Variants in ARID1B observed in about 807,000 individuals in gnomAD.
The protein encoded by ARID1B is AT-rich interaction domain 1B, also known as AT-rich interactive domain-containing protein 1B.
In ARID1B, 30 loss-of-function variants were observed where a neutral mutation model predicts 212.3. That is an observed-to-expected ratio of 0.14 (90% CI 0.11 to 0.19). The LOEUF (loss-of-function observed/expected upper bound fraction) is 0.19, where lower values mean the gene tolerates loss of function less well. ARID1B is among the 10% of genes least tolerant of loss of function. The probability of loss-of-function intolerance (pLI) is 1.00; values close to 1 mark genes in which losing one functional copy is unlikely to be tolerated. For synonymous variants in ARID1B, 1,402 were observed against 1,301.7 expected, an observed-to-expected ratio of 1.08 and a Z score of -1.66; for missense variants, 2,891 against 3,204.0, an observed-to-expected ratio of 0.90 and a Z score of 2.36.
intron 6 of ARID1B, among the ~76,000 whole-genome samples, chr6:157,128,589 C>T (rs377294940): frequency 6.6e-6 from 1 of 152,206 alleles, no homozygotes; most frequent in East Asian, 1.9e-4. Flanking sequence ...GCCATTATTA[C>T]ACCAACTGAA....
At chr6:156,910,722 T>C (rs767180120) in intron 3 of ARID1B, among the ~76,000 whole-genome samples, 1 of 152,212 alleles carries the variant, frequency 6.6e-6, no homozygotes, top group South Asian at 2.1e-4. Flanking sequence ...CTGGAACTGG[T>C]AGTTTCATGT....
intron 4 of ARID1B, among the ~76,000 whole-genome samples, chr6:156,992,611 A>ATTTATACGTGCCAAATG (rs1264616882): frequency 6.6e-6 from 1 of 152,134 alleles, no homozygotes; most frequent in African/African-American, 2.4e-5. Flanking sequence ...TTGGAGCGGG[A>ATTTATACGTGCCAAATG]GGTATTCAGA....
At position 156,922,173 on chromosome 6, in the gene ARID1B, C is replaced by CTTT. The variant is rs11386798; in HGVS notation, c.2137-13279_2137-13277dup. On this transcript the variant is annotated intron_variant, in intron 3 of 19. Coordinates refer to ENST00000636930, the MANE Select transcript of ARID1B (RefSeq NM_001374828.1). ...CGTAAGGGGTCCTGTATAGGTTGCCCTTTTTTTTTTTTTTTTGGAGATGGA... is the reference window on the plus strand; with the variant it reads ...CGTAAGGGGTCCTGTATAGGTTGCCCTTTTTTTTTTTTTTTTTTTGGAGATGGA... 8.0e-5 allele frequency among the ~76,000 whole-genome samples: 11 copies of CTTT among 138,072 alleles called. 1 individual carries two copies. The highest frequency in any genetic ancestry group is 2.2e-4 in the African/African-American group (8 of 37,082). The allele number at this position is 138,072 out of a possible 152,430, so 90.6% of individuals were successfully genotyped here.
intron 3 of ARID1B, among the ~76,000 whole-genome samples, chr6:156,907,602 C>T (rs546971487): frequency 3.3e-5 from 5 of 152,056 alleles, no homozygotes; most frequent in African/African-American, 1.2e-4. Flanking sequence ...CTGTACTTTT[C>T]GAGCTTTGAA....
At chr6:157,115,556 A>G (rs914367310) in intron 6 of ARID1B, among the ~76,000 whole-genome samples, 2 of 152,076 alleles carry the variant, frequency 1.3e-5, no homozygotes, top group African/African-American at 4.8e-5. Context: ...CCTCCCGAGT[A>G]GCTGGGACTA....
At chr6:156,822,001 G>T (rs1168713970) in intron 1 of ARID1B, among the ~76,000 whole-genome samples, 1 of 151,776 alleles carries the variant, frequency 6.6e-6, no homozygotes, top group Non-Finnish European at 1.5e-5. Flanking sequence ...TTTCTGCCTT[G>T]TCTAATATCT....
chr6:157,000,953 C>G (rs1169724140), intron 4 of ARID1B, among the ~76,000 whole-genome samples: 1 of 152,088 alleles, frequency 6.6e-6, no homozygotes, highest in Non-Finnish European at 1.5e-5. Flanking sequence ...CCTCGGCCTC[C>G]AAAAGGGCTG....
At position 157,141,763 on chromosome 6, in the gene ARID1B, G is replaced by A. The variant is rs541687723; in HGVS notation, c.2762-6861G>A. ...GTTGATTTCTATTACATACTGATTC[G>A]AATGGCTAATTTTTTTAAGTTGGAA... is the stretch of plus-strand genomic sequence containing the variant. On this transcript the variant is annotated intron_variant, in intron 7 of 19. Coordinates refer to ENST00000636930, the MANE Select transcript of ARID1B (RefSeq NM_001374828.1). Among the ~76,000 whole-genome samples the A allele has an allele frequency of 7.2e-5, 11 of 152,130 alleles. No homozygotes were observed. The East Asian group carries it at 9.6e-4, about 13-fold the overall frequency.
chr6:157,135,583 G>C (rs1788850472), intron 7 of ARID1B, among the ~76,000 whole-genome samples: 1 of 152,164 alleles, frequency 6.6e-6, no homozygotes, highest in Non-Finnish European at 1.5e-5. Context: ...TCCTGCATCA[G>C]CTCGGAGCGC....
intron 4 of ARID1B, among the ~76,000 whole-genome samples, chr6:157,079,025 A>G (rs1784470422): frequency 6.6e-6 from 1 of 152,082 alleles, no homozygotes. Context: ...ATTAACATCA[A>G]CCTTTTTTTC....
rs745412510 is a variant in ARID1B, at chr6:157,184,296, A to G, written c.3780A>G (p.Ala1260=). 6.2e-6 allele frequency: 10 copies of G among 1,614,096 alleles called. No individual in the cohort carries two copies. In the Admixed American group the frequency reaches 1.7e-4, roughly 27 times the overall value. Residue 1260 remains alanine, a synonymous_variant, in exon 13 of 20, where the codon GCA becomes GCG. Coordinates refer to ENST00000636930, the MANE Select transcript of ARID1B (RefSeq NM_001374828.1). The stretch of plus-strand genomic sequence containing the variant: ...TAAACGTTGGCACCTCAAGCAGTGC[A>G]GCGAGCTCCCTGAAAAAGCAGTATA... ...TNLNVGTSSS[A]ASSLKKQYIQ...
rs537832636 is a variant in ARID1B at position 156,929,391 on chromosome 6, C to T, written c.2137-6075C>T. ...AATGTCTGAAGCCTAGGGATGATTT[C>T]ACGAACTGTGGCAGGCTGTGTGGCC... On this transcript the variant is annotated intron_variant, in intron 3 of 19. Coordinates refer to ENST00000636930, the MANE Select transcript of ARID1B (RefSeq NM_001374828.1). 1.7e-3 allele frequency among the ~76,000 whole-genome samples: 252 copies of T among 152,254 alleles called. 2 individuals are homozygous for T. Among genetic ancestry groups the T allele is most frequent in the Middle Eastern group, 0.014 (4 of 294 alleles).
Position 157,190,221 on chromosome 6 carries a change from A to T in ARID1B, c.4231+11A>T, listed in dbSNP as rs377574448. 2 of 1,602,068 alleles carry T rather than the reference A, an allele frequency of 1.2e-6. No homozygotes were observed. The highest frequency in any genetic ancestry group is 1.7e-6 in the Non-Finnish European group (2 of 1,176,296). On this transcript the variant is annotated intron_variant, in intron 15 of 19. Coordinates refer to ENST00000636930, the MANE Select transcript of ARID1B (RefSeq NM_001374828.1). The surrounding 1 kb of genome is among the most constrained non-coding windows in gnomAD (Gnocchi z 4.6). ...GGGGAATGAGAAAAGGTACGTGTAG[A>T]GGGGCCTCCACCCGGCCATGGACCA...
intron 2 of ARID1B, among the ~76,000 whole-genome samples, chr6:156,893,884 T>G (rs1021904336): frequency 3.9e-5 from 6 of 152,108 alleles, no homozygotes; most frequent in African/African-American, 1.2e-4. Flanking sequence ...AGTATGATAG[T>G]TCTCAAAAAA....
intron 4 of ARID1B, among the ~76,000 whole-genome samples, chr6:157,010,227 C>A (rs1445785242): frequency 6.7e-6 from 1 of 148,482 alleles, no homozygotes; most frequent in Non-Finnish European, 1.5e-5. Flanking sequence ...TACTCCTGAT[C>A]AGTAAAATTC....
intron 4 of ARID1B, among the ~76,000 whole-genome samples, chr6:157,016,545 C>G (rs1424044114): frequency 1.3e-5 from 2 of 152,226 alleles, no homozygotes; most frequent in African/African-American, 4.8e-5. Flanking sequence ...GCTGGGACCA[C>G]TGTCTGTGTG....
intron 5 of ARID1B, among the ~76,000 whole-genome samples, chr6:157,095,342 C>T (rs776323570): frequency 3.9e-5 from 6 of 152,168 alleles, no homozygotes; most frequent in Non-Finnish European, 8.8e-5. Context: ...CGGGGTATTC[C>T]GTCAGTACTT....
At chr6:156,798,949 C>G (rs910512922) in intron 1 of ARID1B, among the ~76,000 whole-genome samples, 3 of 152,168 alleles carry the variant, frequency 2.0e-5, no homozygotes, top group Non-Finnish European at 4.4e-5. Flanking sequence ...ATAGTTTTCT[C>G]TCTGTGTGTA....
At chr6:156,897,203 GCTGCTGCTGCTGCTGCTTCTTCTTCTT>G (rs1305520543) in intron 2 of ARID1B, among the ~76,000 whole-genome samples, 2 of 74,678 alleles carry the variant, frequency 2.7e-5, no homozygotes, top group African/African-American at 9.9e-5. Context: ...TGCTGCTGCT[GCTGCTGCTGCTGCTGCTTCTTCTTCTT>G]CTTCTTCTTC....
Sources: gnomAD v4.1 joint callset for allele counts (sites outside exome capture counted in the v4.1 genomes callset) on GRCh38, gnomAD v4.1.1 for gene constraint, Gnocchi (gnomAD v3.1) non-coding constraint, MANE v1.5 for transcripts, NCBI Gene and HGNC (gene_info 2026-07-23, HGNC 2026-07-21) for gene names.